The following DOK6 variants were observed in gnomAD, a reference collection of about 807,000 sequenced individuals.
DOK6 encodes downstream of tyrosine kinase 6.
A neutral mutation model predicts 44.0 loss-of-function variants in DOK6; 22 were observed. The observed-to-expected ratio is 0.50, with a 90% CI of 0.36 to 0.71. DOK6 has a LOEUF of 0.71. Among genes scored for constraint, DOK6 ranks in the 30% least tolerant of loss-of-function variants. The pLI is 0.00. For synonymous variants in DOK6, 166 were observed against 145.5 expected (o/e 1.14, Z -1.01); for missense variants, 340 against 416.4 (o/e 0.82, Z 1.60).
At chr18:69,659,457 T>C (rs916057625) in intron 3 of DOK6, among the ~76,000 whole-genome samples, 7 of 152,234 alleles carry the variant, frequency 4.6e-5, no homozygotes, top group African/African-American at 1.7e-4. Flanking sequence ...GCACAATGTA[T>C]TTCATTCTGT....
intron 7 of DOK6, among the ~76,000 whole-genome samples, chr18:69,773,102 C>T (rs1321656383): frequency 6.6e-6 from 1 of 151,992 alleles, no homozygotes; most frequent in Admixed American, 6.6e-5. Flanking sequence ...TACTCAGCAT[C>T]ACTGATCAGC....
intron 2 of DOK6, among the ~76,000 whole-genome samples, chr18:69,568,795 T>C (rs1797326409): frequency 6.6e-6 from 1 of 151,972 alleles, no homozygotes; most frequent in Non-Finnish European, 1.5e-5. Flanking sequence ...CAAACCCTAT[T>C]GTGAACTACG....
chr18:69,531,271 T>A (rs1053126685), intron 1 of DOK6, among the ~76,000 whole-genome samples: 7 of 145,026 alleles, frequency 4.8e-5, no homozygotes, highest in African/African-American at 9.9e-5. Flanking sequence ...TATATATATA[T>A]AATATATTAT....
intron 3 of DOK6, among the ~76,000 whole-genome samples, chr18:69,676,743 T>C (rs141658579): frequency 6.6e-5 from 10 of 152,318 alleles, no homozygotes; most frequent in African/African-American, 2.2e-4. Flanking sequence ...GAAGACTTGG[T>C]TGATTTCCAA....
intron 1 of DOK6, among the ~76,000 whole-genome samples, chr18:69,489,113 T>G (rs1404749736): frequency 6.6e-6 from 1 of 152,176 alleles, no homozygotes; most frequent in African/African-American, 2.4e-5. Flanking sequence ...GAAACACAAG[T>G]TCACTAGTTA....
At position 69,692,615 on chromosome 18, in the gene DOK6, A is replaced by T. The variant is rs186736665; in HGVS notation, c.410-5789A>T. On this transcript the variant is annotated intron_variant, in intron 4 of 7. Transcript: ENST00000382713. ...TAGAAGTGAGTCTTAACTTTATGGA[A>T]TCACTCGTTAATAAAAACAATGAAG... Among the ~76,000 whole-genome samples the T allele has an allele frequency of 4.2e-3, 638 of 152,346 alleles. 5 individuals are homozygous for T. The highest frequency in any genetic ancestry group is 0.015 in the African/African-American group (613 of 41,578).
At chr18:69,765,791 C>G (rs1237406400) in intron 7 of DOK6, among the ~76,000 whole-genome samples, 1 of 152,162 alleles carries the variant, frequency 6.6e-6, no homozygotes, top group African/African-American at 2.4e-5. Context: ...GCAATTTACT[C>G]AACCTTTCTA....
intron 3 of DOK6, among the ~76,000 whole-genome samples, chr18:69,621,232 G>T (rs890127443): frequency 8.5e-5 from 13 of 152,152 alleles, no homozygotes; most frequent in Non-Finnish European, 5.9e-5. Context: ...AAGGTTGGGA[G>T]AAAGTGACTA....
chr18:69,691,061 T>C (rs150183998), intron 4 of DOK6, among the ~76,000 whole-genome samples: 2,539 of 151,988 alleles, frequency 0.017, 84 homozygotes, highest in African/African-American at 0.058. Flanking sequence ...GACAGGTGAC[T>C]GTAATCCCAG....
intron 1 of DOK6, among the ~76,000 whole-genome samples, chr18:69,518,444 T>A (rs932465950): frequency 1.8e-4 from 28 of 152,160 alleles, no homozygotes; most frequent in African/African-American, 6.5e-4. Context: ...CTTCTTATGG[T>A]CAGTTATAAG....
At chr18:69,758,219 C>CT (rs947935434) in intron 7 of DOK6, among the ~76,000 whole-genome samples, 2 of 152,100 alleles carry the variant, frequency 1.3e-5, no homozygotes, top group African/African-American at 4.8e-5. Flanking sequence ...TTTTTCGCAT[C>CT]TTTTTTTCCT....
At chr18:69,756,885 G>A (rs530851262) in intron 6 of DOK6, among the ~76,000 whole-genome samples, 16 of 152,184 alleles carry the variant, frequency 1.1e-4, no homozygotes, top group Non-Finnish European at 1.6e-4. Flanking sequence ...ATTCATTAGA[G>A]GATTGCTCAT....
Position 69,649,563 on chromosome 18 carries a change from C to T in DOK6, c.290-28171C>T, listed in dbSNP as rs528925823. Among the ~76,000 whole-genome samples, 4 of 152,256 alleles carry T rather than the reference C, an allele frequency of 2.6e-5. No homozygotes were observed. The East Asian group carries it at 7.7e-4, about 29-fold the overall frequency. On this transcript the variant is annotated intron_variant, in intron 3 of 7. Coordinates refer to ENST00000382713, the MANE Select transcript of DOK6 (RefSeq NM_152721.6). ...TTCATATTACTATGAAGAACTTTTTCTGCATCCCCCTTCTTAAAGATAGTG... is the reference window on the plus strand; with the variant it reads ...TTCATATTACTATGAAGAACTTTTTTTGCATCCCCCTTCTTAAAGATAGTG...
chr18:69,816,069 A>G (rs1981389433), intron 7 of DOK6, among the ~76,000 whole-genome samples: 1 of 152,194 alleles, frequency 6.6e-6, no homozygotes, highest in Non-Finnish European at 1.5e-5. Context: ...TATATTGATA[A>G]TAATGACAAT....
At chr18:69,550,773 CTTTCT>C (rs1195954381) in intron 1 of DOK6, among the ~76,000 whole-genome samples, 2 of 80,040 alleles carry the variant, frequency 2.5e-5, no homozygotes, top group African/African-American at 7.4e-5. Context: ...GTTGTTGTTT[CTTTCT>C]TTTTTTTTTT....
chr18:69,595,290 G>A (rs918270727), intron 2 of DOK6, among the ~76,000 whole-genome samples: 1 of 152,186 alleles, frequency 6.6e-6, no homozygotes, highest in African/African-American at 2.4e-5. Flanking sequence ...CTCACTGAGT[G>A]GAAAATTTGT....
rs527249429 is a variant in DOK6, at chr18:69,627,720, AT to A, written c.289+28225del. On this transcript the variant is annotated intron_variant, in intron 3 of 7. Transcript: ENST00000382713. Reference sequence around the variant, plus strand: ...CGCCTCGGCCTCCCAAAGTGCTGGGATTTACAGGCGTGACCACCATGCCTGG... The same window carrying A: ...CGCCTCGGCCTCCCAAAGTGCTGGGATTACAGGCGTGACCACCATGCCTGG... Among the ~76,000 whole-genome samples, 302 of 152,180 alleles carry A rather than the reference AT, an allele frequency of 2.0e-3. 3 individuals are homozygous for A. The highest frequency in any genetic ancestry group is 3.4e-3 in the Middle Eastern group (1 of 294).
chr18:69,588,505 T>C (rs1023586540), intron 2 of DOK6, among the ~76,000 whole-genome samples: 15 of 152,162 alleles, frequency 9.9e-5, no homozygotes, highest in African/African-American at 3.6e-4. Flanking sequence ...GCTGGTTTTA[T>C]CATGAAGCTA....
intron 2 of DOK6, among the ~76,000 whole-genome samples, chr18:69,565,168 C>T (rs374290553): frequency 1.3e-5 from 2 of 152,052 alleles, no homozygotes; most frequent in Non-Finnish European, 2.9e-5. Flanking sequence ...CAAAACACAG[C>T]TAGGTATTTT....
Sources: gnomAD v4.1 joint callset for allele counts (sites outside exome capture counted in the v4.1 genomes callset) on GRCh38, gnomAD v4.1.1 for gene constraint, MANE v1.5 for transcripts, NCBI Gene and HGNC (gene_info 2026-07-23, HGNC 2026-07-21) for gene names.